Variants in DLGAP2 observed in about 807,000 individuals in gnomAD.
DLGAP2 encodes disks large-associated protein 2.
A neutral mutation model predicts 100.3 loss-of-function variants in DLGAP2; 26 were observed. The ratio of observed to expected loss-of-function variants is 0.26; its 90% confidence interval spans 0.19 to 0.36. The LOEUF (loss-of-function observed/expected upper bound fraction) is 0.36, where lower values mean the gene tolerates loss of function less well. DLGAP2 is among the 10% of genes least tolerant of loss of function. DLGAP2 has a pLI of 1.00. For missense variants in DLGAP2, 1,858 were observed against 1,453.2 expected (o/e 1.28, Z -4.53); for synonymous variants, 886 against 630.1 (o/e 1.41, Z -6.08).
intron 3 of DLGAP2, among the ~76,000 whole-genome samples, chr8:1,463,369 C>T (rs746728712): frequency 1.3e-5 from 2 of 152,210 alleles, no homozygotes; most frequent in African/African-American, 4.8e-5. Flanking sequence ...TCATAAAATA[C>T]ATATGATGAA....
intron 2 of DLGAP2, among the ~76,000 whole-genome samples, chr8:1,197,697 C>T (rs143159697): frequency 3.1e-5 from 2 of 65,448 alleles, no homozygotes; most frequent in African/African-American, 1.0e-4. Context: ...ACCTGAGCCA[C>T]GTCAATGTGG....
intron 6 of DLGAP2, 29 bp from the exon 7 acceptor site, chr8:1,626,711 T>G: frequency 6.3e-7 from 1 of 1,575,374 alleles, no homozygotes; most frequent in Non-Finnish European, 8.6e-7. Flanking sequence ...GCTCACAGAA[T>G]GCCTTTTCTC....
At chr8:1,029,427 A>T (rs1801910789) in intron 2 of DLGAP2, among the ~76,000 whole-genome samples, 1 of 152,218 alleles carries the variant, frequency 6.6e-6, no homozygotes, top group Non-Finnish European at 1.5e-5. Context: ...GCATCAGGGA[A>T]ATCAATGGAA....
chr8:1,256,782 A>C (rs1035465942), intron 2 of DLGAP2, among the ~76,000 whole-genome samples: 2 of 152,136 alleles, frequency 1.3e-5, no homozygotes, highest in African/African-American at 4.8e-5. Flanking sequence ...TTCCAGGTCA[A>C]CTAAACCTGA....
intron 14 of DLGAP2, 46 bp downstream of exon 14, chr8:1,697,345 C>T (rs1410790733): frequency 6.5e-7 from 1 of 1,545,792 alleles, no homozygotes; most frequent in Non-Finnish European, 8.8e-7. Context: ...CCCCCTTTCT[C>T]ACTGCACTAA....
At chr8:1,460,461 T>C (rs1798441813) in intron 3 of DLGAP2, among the ~76,000 whole-genome samples, 2 of 152,320 alleles carry the variant, frequency 1.3e-5, no homozygotes, top group South Asian at 4.1e-4. Flanking sequence ...CATGTCGCTT[T>C]ACTGATGAAG....
At chr8:944,795 C>A (rs376199655) in intron 2 of DLGAP2, among the ~76,000 whole-genome samples, 4 of 150,986 alleles carry the variant, frequency 2.6e-5, no homozygotes, top group Non-Finnish European at 5.9e-5. Flanking sequence ...GGGGTGGTAA[C>A]CAGTCGATAT....
At chr8:1,455,641 GC>G (rs1461075472) in intron 3 of DLGAP2, among the ~76,000 whole-genome samples, 1 of 152,184 alleles carries the variant, frequency 6.6e-6, no homozygotes, top group East Asian at 1.9e-4. Flanking sequence ...TCAGCCCAGG[GC>G]CAGTCCCACT....
At chr8:1,643,224 A>C (rs1797955865) in intron 8 of DLGAP2, among the ~76,000 whole-genome samples, 1 of 18,516 alleles carries the variant, frequency 5.4e-5, no homozygotes, top group Non-Finnish European at 8.6e-5. Flanking sequence ...GCCGGCCCTC[A>C]CCTGTGTCAC....
At chr8:781,773 T>G (rs975323404) in intron 1 of DLGAP2, among the ~76,000 whole-genome samples, 1 of 152,260 alleles carries the variant, frequency 6.6e-6, no homozygotes, top group East Asian at 1.9e-4. Flanking sequence ...CTATGGGAAC[T>G]ACAACTTCAT....
intron 2 of DLGAP2, among the ~76,000 whole-genome samples, chr8:1,228,248 C>A (rs184048394): frequency 1.3e-5 from 2 of 151,932 alleles, no homozygotes; most frequent in Non-Finnish European, 2.9e-5. Context: ...TAAAAAAATA[C>A]ATAAATAAAA....
At chr8:1,432,117 C>T (rs141419316) in intron 3 of DLGAP2, among the ~76,000 whole-genome samples, 1 of 152,326 alleles carries the variant, frequency 6.6e-6, no homozygotes, top group African/African-American at 2.4e-5. Flanking sequence ...CGGGGCTGAA[C>T]TCTGGCGTTT....
At chr8:1,594,060 C>G (rs1796370982) in intron 6 of DLGAP2, among the ~76,000 whole-genome samples, 1 of 152,164 alleles carries the variant, frequency 6.6e-6, no homozygotes, top group Non-Finnish European at 1.5e-5. Flanking sequence ...GCAGAGCAAA[C>G]AGGCGAAAAC....
At chr8:1,569,764 C>G (rs961743591) in intron 6 of DLGAP2, among the ~76,000 whole-genome samples, 27 of 152,236 alleles carry the variant, frequency 1.8e-4, no homozygotes, top group African/African-American at 6.3e-4. Flanking sequence ...AGCTCAGCCC[C>G]AAGCCCCGTG....
At chr8:1,166,405 A>G (rs1292971810) in intron 2 of DLGAP2, among the ~76,000 whole-genome samples, 2 of 152,194 alleles carry the variant, frequency 1.3e-5, no homozygotes, top group African/African-American at 4.8e-5. Context: ...ATCTGATTTG[A>G]CTTCTGATAG....
intron 3 of DLGAP2, among the ~76,000 whole-genome samples, chr8:1,315,735 A>G (rs1217106347): frequency 2.4e-5 from 1 of 40,938 alleles, no homozygotes; most frequent in Non-Finnish European, 4.1e-5. Context: ...TCTCTCCAAC[A>G]GTGGTCTACA....
At chr8:821,979 A>T in intron 1 of DLGAP2, 2 of 395,732 alleles carry the variant, frequency 5.1e-6, no homozygotes, top group Non-Finnish European at 8.9e-6. Context: ...TTTTCAGCTG[A>T]TTAATTATTG....
chr8:1,456,234 G>A (rs1207607173), intron 3 of DLGAP2, among the ~76,000 whole-genome samples: 1 of 152,154 alleles, frequency 6.6e-6, no homozygotes, highest in Non-Finnish European at 1.5e-5. Context: ...GCCAAACACC[G>A]AGTGTGCTGC....
At chr8:952,274 T>C (rs897952822) in intron 2 of DLGAP2, among the ~76,000 whole-genome samples, 4 of 152,240 alleles carry the variant, frequency 2.6e-5, no homozygotes, top group African/African-American at 9.6e-5. Flanking sequence ...TTAGGACCTC[T>C]TGATGCTATT....
Sources: gnomAD v4.1 joint callset for allele counts (sites outside exome capture counted in the v4.1 genomes callset) on GRCh38, gnomAD v4.1.1 for gene constraint, MANE v1.5 for transcripts, NCBI Gene and HGNC (gene_info 2026-07-23, HGNC 2026-07-21) for gene names.